The following MPDZ variants were observed in gnomAD, a reference collection of about 807,000 sequenced individuals.
MPDZ encodes the protein multiple PDZ domain crumbs cell polarity complex component.
MPDZ carries 234 observed loss-of-function variants against 239.1 expected under a neutral mutation model. The ratio of observed to expected loss-of-function variants is 0.98; its 90% CI spans 0.88 to 1.09. The LOEUF (loss-of-function observed/expected upper bound fraction) is 1.09. Among genes scored for constraint, MPDZ ranks in the 50% least tolerant of loss-of-function variants. The probability of loss-of-function intolerance (pLI) is 0.00; values close to 1 mark genes in which losing one functional copy is unlikely to be tolerated. For missense variants in MPDZ, 3,175 were observed against 2,510.0 expected, an observed-to-expected ratio of 1.26 and a Z score of -5.66; for synonymous variants, 1,048 against 881.3, an observed-to-expected ratio of 1.19 and a Z score of -3.35.
intron 21 of MPDZ, 80 bp from the exon 22 acceptor site, chr9:13,168,644 G>T: frequency 2.8e-6 from 3 of 1,068,490 alleles, no homozygotes; most frequent in Non-Finnish European, 2.6e-6. Flanking sequence ...TAATTTCTAT[G>T]ATTTATAGAT....
chr9:13,114,972 G>C (rs1943153035), intron 40 of MPDZ, among the ~76,000 whole-genome samples: 1 of 152,014 alleles, frequency 6.6e-6, no homozygotes, highest in South Asian at 2.1e-4. Context: ...TTTACAATTA[G>C]GTAGTTACCT....
chr9:13,115,915 A>AC, intron 39 of MPDZ, among the ~76,000 whole-genome samples: 1 of 141,292 alleles, frequency 7.1e-6, no homozygotes, highest in Non-Finnish European at 1.5e-5. Flanking sequence ...ACTGCACTCC[A>AC]CCTGGGTGAC....
At chr9:13,278,736 G>T (rs1056975224) in intron 1 of MPDZ, among the ~76,000 whole-genome samples, 3 of 152,112 alleles carry the variant, frequency 2.0e-5, no homozygotes, top group Admixed American at 1.3e-4. Context: ...GGTGCCAGGG[G>T]TGAGGGACGG....
At chr9:13,220,703 G>A (rs1179288252) in intron 7 of MPDZ, among the ~76,000 whole-genome samples, 1 of 151,884 alleles carries the variant, frequency 6.6e-6, no homozygotes, top group Non-Finnish European at 1.5e-5. Flanking sequence ...TGATGAGCTG[G>A]ACTTCCTACT....
At chr9:13,245,823 A>C (rs975890936) in intron 3 of MPDZ, among the ~76,000 whole-genome samples, 1 of 152,168 alleles carries the variant, frequency 6.6e-6, no homozygotes, top group African/African-American at 2.4e-5. Flanking sequence ...TGGTAAAACA[A>C]GCTTAATAGG....
At chr9:13,221,628 T>A in intron 6 of MPDZ, 128 bp from the exon 7 acceptor site, 1 of 937,848 alleles carries the variant, frequency 1.1e-6, no homozygotes, top group Non-Finnish European at 1.5e-6. Flanking sequence ...TAATGAGTCC[T>A]AACAATGTCC....
intron 23 of MPDZ, among the ~76,000 whole-genome samples, chr9:13,162,296 G>C (rs543692173): frequency 4.0e-5 from 6 of 151,230 alleles, no homozygotes; most frequent in Non-Finnish European, 8.8e-5. Context: ...TTCTGAATTT[G>C]TATGCATGTT....
At chr9:13,136,278 AC>A in intron 30 of MPDZ, 96 bp from the exon 31 acceptor site, 1 of 617,064 alleles carries the variant, frequency 1.6e-6, no homozygotes, top group Non-Finnish European at 2.6e-6. Context: ...AAATTATTTA[AC>A]CCCCAAAACC....
At chr9:13,243,269 A>G (rs1351406319) in intron 3 of MPDZ, among the ~76,000 whole-genome samples, 1 of 152,178 alleles carries the variant, frequency 6.6e-6, no homozygotes, top group Non-Finnish European at 1.5e-5. Flanking sequence ...GAATATAAGA[A>G]TATGAGCCTC....
chr9:13,225,666 G>T (rs1352667301), intron 3 of MPDZ, among the ~76,000 whole-genome samples: 1 of 151,918 alleles, frequency 6.6e-6, no homozygotes, highest in Non-Finnish European at 1.5e-5. Context: ...ACTCCATATA[G>T]TAACATGCTG....
Position 13,123,136 on chromosome 9 carries a change from C to T in MPDZ, c.4953+17G>A, listed in dbSNP as rs749380079. Reference sequence around the variant, plus strand: ...TGAAGGACGGCCTGTACAGAAGCACCTCTGGGTGGTGCTCACCAGCAGCGT... The same window carrying T: ...TGAAGGACGGCCTGTACAGAAGCACTTCTGGGTGGTGCTCACCAGCAGCGT... On this transcript the variant is annotated intron_variant, in intron 36 of 46. Transcript: ENST00000319217. 5 of 1,608,174 alleles carry T rather than the reference C, an allele frequency of 3.1e-6. No homozygotes were observed. The African/African-American group carries it at 6.7e-5, about 22-fold the overall frequency.
At chr9:13,108,821 T>A in intron 46 of MPDZ, 115 bp downstream of exon 46, 1 of 1,021,192 alleles carries the variant, frequency 9.8e-7, no homozygotes, top group Non-Finnish European at 1.3e-6. Flanking sequence ...TGAAAAGAAA[T>A]GATCAACTGT....
chr9:13,160,572 TA>T (rs1343487859), intron 23 of MPDZ, among the ~76,000 whole-genome samples: 1 of 151,804 alleles, frequency 6.6e-6, no homozygotes, highest in Non-Finnish European at 1.5e-5. Context: ...GACATTGAAA[TA>T]ATTGATTTTA....
rs1295509540 is a variant in MPDZ, at chr9:13,143,490, G to C, written c.3816C>G (p.Asp1272Glu). The C allele has an allele frequency of 6.2e-7, 1 of 1,612,542 alleles. No homozygotes were observed. The change falls in exon 27 of 47, where the codon GAC becomes GAG. Residue 1272 changes from aspartate (D) to glutamate (E), a missense_variant. Transcript: ENST00000319217. ...CCTTGTCGGCGTTGATTTGTAGAGA[G>C]TCAGCAAATGGGTTAGTGCTGCTGA... is the stretch of plus-strand genomic sequence containing the variant. ...YNFSSTNPFA[D>E]SLQINADKAP...
At chr9:13,162,644 A>C (rs762715616) in intron 23 of MPDZ, 47 bp downstream of exon 23, 4 of 1,279,724 alleles carry the variant, frequency 3.1e-6, no homozygotes, top group African/African-American at 3.0e-5. Flanking sequence ...CAAATTCTCT[A>C]CAACTTGCTG....
chr9:13,180,546 G>C (rs1554680737), intron 19 of MPDZ, among the ~76,000 whole-genome samples: 1 of 149,780 alleles, frequency 6.7e-6, no homozygotes, highest in Non-Finnish European at 1.5e-5. Flanking sequence ...ATCAAAATAG[G>C]AAAAAAAAAT....
chr9:13,109,574 T>C (rs549846391), intron 45 of MPDZ, among the ~76,000 whole-genome samples: 3 of 152,296 alleles, frequency 2.0e-5, no homozygotes, highest in Admixed American at 6.5e-5. Context: ...ATTTTTTCAG[T>C]CCAAATGATA....
In MPDZ at chr9:13,109,974, T is replaced by G; in HGVS notation, c.5920A>C (p.Ser1974Arg). The part of the protein sequence containing the change: ...SLSFTGLTSS[S>R]IFQDDLGPPQ... ...CACCCTAAATCATCCTGAAATATAC[T>G]GCTTGACGTCAGCCCAGTGAAAGAA... The change falls in exon 45 of 47, where the codon AGT (serine) becomes CGT (arginine). Residue 1974 changes from serine (S) to arginine (R), a missense_variant. Physicochemically the swap from Ser to Arg is moderately radical, Grantham distance 110. Coordinates refer to ENST00000319217, the MANE Select transcript of MPDZ (RefSeq NM_001378778.1). The G allele has an allele frequency of 6.2e-7, 1 of 1,613,074 alleles. No individual in the cohort carries two copies. The highest frequency in any genetic ancestry group is 8.5e-7 in the Non-Finnish European group (1 of 1,179,616).
rs1554691393 is a variant in MPDZ, at chr9:13,198,737, C to CTGTGTGTGTG, written c.1547-2517_1547-2508dup. Among the ~76,000 whole-genome samples, 81 of 69,748 alleles carry CTGTGTGTGTG rather than the reference C, an allele frequency of 1.2e-3. 1 individual carries two copies. Among genetic ancestry groups the CTGTGTGTGTG allele is most frequent in the African/African-American group, 4.1e-3 (75 of 18,136 alleles). The allele number at this position is 69,748 out of a possible 152,430, so 45.8% of individuals were successfully genotyped here. On this transcript the variant is annotated intron_variant, in intron 12 of 46. Coordinates refer to ENST00000319217, the MANE Select transcript of MPDZ (RefSeq NM_001378778.1). ...ATATTTAGGTCTTTAATCTCTCTCT[C>CTGTGTGTGTG]TGTGTGTGTGTGTGTGTGTGTGTGT...
Sources: allele counts gnomAD v4.1 joint callset (sites outside exome capture counted in the v4.1 genomes callset), GRCh38; gene constraint gnomAD v4.1.1; transcripts MANE v1.5; gene names NCBI Gene and HGNC (gene_info 2026-07-23, HGNC 2026-07-21).